Variants in ASTN1 observed in about 807,000 individuals in gnomAD.
The protein encoded by ASTN1 is astrotactin-1.
A neutral mutation model predicts 140.7 loss-of-function variants in ASTN1; 41 were observed. The observed-to-expected ratio is 0.29, with a 90% CI of 0.23 to 0.38. The LOEUF (loss-of-function observed/expected upper bound fraction) is 0.38, where lower values mean the gene tolerates loss of function less well. ASTN1 is among the 10% of genes least tolerant of loss of function. The probability of loss-of-function intolerance (pLI) is 1.00; values close to 1 mark genes in which losing one functional copy is unlikely to be tolerated. For synonymous variants in ASTN1, 640 were observed against 652.2 expected, an observed-to-expected ratio of 0.98 and a Z score of 0.29; for missense variants, 1,479 against 1,678.8, an observed-to-expected ratio of 0.88 and a Z score of 2.08.
chr1:177,029,519 C>A lies in ASTN1; in HGVS notation c.1120+115G>T, dbSNP rs1676309699. On this transcript the variant is annotated intron_variant, in intron 5 of 22. Transcript: ENST00000361833. ...AGTTGTGGTCCAAAAATTCTTCTTG[C>A]AGAAACTGGTTTTGTTCCATAGAGC... 1.1e-5 allele frequency: 12 copies of A among 1,098,020 alleles called. No individual in the cohort carries two copies. The South Asian group carries it at 1.6e-4, about 14-fold the overall frequency. The allele number at this position is 1,098,020 out of a possible 1,614,324, so 68.0% of individuals were successfully genotyped here.
chr1:177,048,354 G>A (rs1373995047), intron 2 of ASTN1, among the ~76,000 whole-genome samples: 1 of 152,166 alleles, frequency 6.6e-6, no homozygotes, highest in Non-Finnish European at 1.5e-5. Flanking sequence ...TGCCCTGCAG[G>A]TCCCAGCATT....
intron 2 of ASTN1, among the ~76,000 whole-genome samples, chr1:177,051,936 G>T (rs960315539): frequency 6.6e-6 from 1 of 152,050 alleles, no homozygotes; most frequent in Non-Finnish European, 1.5e-5. Flanking sequence ...AATAAATGAA[G>T]TTCTTCCAGA....
Position 177,002,516 on chromosome 1 carries a change from T to G in ASTN1, c.1523+12275A>C, listed in dbSNP as rs1318322008. Among the ~76,000 whole-genome samples the G allele has an allele frequency of 2.6e-5, 4 of 152,176 alleles. No individual in the cohort carries two copies. The East Asian group carries it at 7.7e-4, about 29-fold the overall frequency. On this transcript the variant is annotated intron_variant, in intron 8 of 22. Coordinates refer to ENST00000361833, the MANE Select transcript of ASTN1 (RefSeq NM_004319.3). Reference sequence around the variant, plus strand: ...AGGAGTATGAGCACTCTCTAGGGGATGGTACTTTGGGTGGCTTGGATTTTC... The same window carrying G: ...AGGAGTATGAGCACTCTCTAGGGGAGGGTACTTTGGGTGGCTTGGATTTTC...
At chr1:176,965,293 C>T (rs1245998532) in intron 8 of ASTN1, 56 bp from the exon 9 acceptor site, 2 of 1,572,304 alleles carry the variant, frequency 1.3e-6, no homozygotes, top group African/African-American at 2.7e-5. Context: ...TCACTGAACA[C>T]CCACTTCGTA....
At chr1:177,136,984 G>A (rs1008501070) in intron 1 of ASTN1, among the ~76,000 whole-genome samples, 7 of 152,238 alleles carry the variant, frequency 4.6e-5, no homozygotes, top group Non-Finnish European at 7.4e-5. Flanking sequence ...ATGTTTGGCC[G>A]AATCTTTGGC....
chr1:177,003,482 A>C (rs1228251955), intron 8 of ASTN1, among the ~76,000 whole-genome samples: 1 of 152,162 alleles, frequency 6.6e-6, no homozygotes, highest in Non-Finnish European at 1.5e-5. Flanking sequence ...GGCATAGAAG[A>C]AACATAGCTC....
rs78673920 is a variant in ASTN1, at chr1:177,095,643, C to T, written c.284-34378G>A. Among the ~76,000 whole-genome samples, 9 of 152,292 alleles carry T rather than the reference C, an allele frequency of 5.9e-5. No homozygotes were observed. In the East Asian group the frequency reaches 1.7e-3, roughly 29 times the overall value. Reference sequence around the variant, plus strand: ...GCATGAGCTGTGGAGGCATGGCTACCTCTACCTAGATTTGAAAGATGGAGA... The same window carrying T: ...GCATGAGCTGTGGAGGCATGGCTACTTCTACCTAGATTTGAAAGATGGAGA... On this transcript the variant is annotated intron_variant, in intron 1 of 22. Coordinates refer to ENST00000361833, the MANE Select transcript of ASTN1 (RefSeq NM_004319.3).
chr1:176,987,289 C>G (rs1329018417), intron 8 of ASTN1, among the ~76,000 whole-genome samples: 2 of 152,268 alleles, frequency 1.3e-5, no homozygotes, highest in East Asian at 3.9e-4. Context: ...TGCTGTAGCA[C>G]AAAAGCAGCC....
chr1:177,040,166 T>C (rs1203715115), intron 2 of ASTN1, among the ~76,000 whole-genome samples: 4 of 152,222 alleles, frequency 2.6e-5, no homozygotes. Context: ...GAAAGGCAAG[T>C]GAAAACACTT....
chr1:177,070,966 A>G (rs764548750), intron 1 of ASTN1, among the ~76,000 whole-genome samples: 1 of 152,204 alleles, frequency 6.6e-6, no homozygotes, highest in Non-Finnish European at 1.5e-5. Context: ...TATCACTCAC[A>G]TAAATCCTAA....
intron 2 of ASTN1, among the ~76,000 whole-genome samples, chr1:177,050,245 C>A (rs1225266415): frequency 6.6e-6 from 1 of 152,108 alleles, no homozygotes; most frequent in Non-Finnish European, 1.5e-5. Context: ...GATTGATATC[C>A]CATATGGATC....
chr1:176,960,140 A>ATATGTAGG (rs1672596902), intron 9 of ASTN1, among the ~76,000 whole-genome samples: 1 of 152,164 alleles, frequency 6.6e-6, no homozygotes, highest in Non-Finnish European at 1.5e-5. Flanking sequence ...GGAATCCGGG[A>ATATGTAGG]CTTAAGGATA....
intron 17 of ASTN1, among the ~76,000 whole-genome samples, chr1:176,888,420 C>T (rs893874627): frequency 9.9e-5 from 15 of 152,146 alleles, no homozygotes; most frequent in Non-Finnish European, 7.4e-5. Flanking sequence ...CTCCCTTTAC[C>T]GTAACAGTTC....
rs144418404 is a variant in ASTN1, at chr1:177,061,229, C to T, written c.320G>A (p.Arg107His). Reference sequence around the variant, plus strand: ...ATTCTCCAGCCACTGCTGCCTCCAGCGCACCAAAGGGATATCCTCTGTGTT... The same window carrying T: ...ATTCTCCAGCCACTGCTGCCTCCAGTGCACCAAAGGGATATCCTCTGTGTT... ...SGNTEDIPLVRWRQQWLENGT... is the reference protein window; with the variant it reads ...SGNTEDIPLVHWRQQWLENGT... Residue 107 changes from arginine to histidine, a missense_variant, in exon 2 of 23, where the codon CGC becomes CAC. Around this residue, in one of 3 missense-constraint regions of ASTN1, gnomAD observed 729 missense variants for 860.4 expected, o/e 0.85. Coordinates refer to ENST00000361833, the MANE Select transcript of ASTN1 (RefSeq NM_004319.3). 23 of 1,595,514 alleles carry T rather than the reference C, an allele frequency of 1.4e-5. No individual in the cohort carries two copies. The highest frequency in any genetic ancestry group is 6.9e-5 in the Admixed American group (4 of 57,982).
chr1:177,056,972 T>C (rs1223132753), intron 2 of ASTN1, among the ~76,000 whole-genome samples: 1 of 152,124 alleles, frequency 6.6e-6, no homozygotes, highest in Non-Finnish European at 1.5e-5. Flanking sequence ...TGTTGAAGAG[T>C]TTGCAAAAGA....
intron 1 of ASTN1, among the ~76,000 whole-genome samples, chr1:177,140,468 G>A (rs1558124123): frequency 6.6e-6 from 1 of 152,048 alleles, no homozygotes; most frequent in East Asian, 1.9e-4. Flanking sequence ...CACTTTATGG[G>A]AAACAAGGCT....
intron 2 of ASTN1, among the ~76,000 whole-genome samples, chr1:177,055,418 C>T (rs1677752653): frequency 6.6e-6 from 1 of 152,192 alleles, no homozygotes; most frequent in African/African-American, 2.4e-5. Flanking sequence ...CCCAAATGGA[C>T]CCTGGCATCT....
At chr1:177,046,130 C>G (rs117913635) in intron 2 of ASTN1, among the ~76,000 whole-genome samples, 1 of 152,254 alleles carries the variant, frequency 6.6e-6, no homozygotes, top group East Asian at 1.9e-4. Flanking sequence ...TTTTCTGCCA[C>G]CACACCATGA....
intron 1 of ASTN1, among the ~76,000 whole-genome samples, chr1:177,081,573 C>A (rs1184939661): frequency 1.3e-5 from 2 of 152,096 alleles, no homozygotes; most frequent in African/African-American, 4.8e-5. Flanking sequence ...TGAGCTATAT[C>A]AACTAGCAGG....
Sources: gnomAD v4.1 joint callset for allele counts (sites outside exome capture counted in the v4.1 genomes callset) on GRCh38, gnomAD v4.1.1 for gene constraint, gnomAD v4.1.1 regional missense constraint, MANE v1.5 for transcripts, NCBI Gene and HGNC (gene_info 2026-07-23, HGNC 2026-07-21) for gene names.